PIK3C2G: variants seen among roughly 807,000 people sequenced by gnomAD.
PIK3C2G encodes phosphatidylinositol 3-kinase C2 domain-containing subunit gamma.
PIK3C2G carries 168 observed loss-of-function variants against 181.1 expected under a neutral mutation model. The ratio of observed to expected loss-of-function variants is 0.93; its 90% CI spans 0.82 to 1.05. The LOEUF (loss-of-function observed/expected upper bound fraction) is 1.05. Among genes scored for constraint, PIK3C2G ranks in the 50% least tolerant of loss-of-function variants. The probability of loss-of-function intolerance (pLI) is 0.00; values close to 1 mark genes in which losing one functional copy is unlikely to be tolerated. For synonymous variants in PIK3C2G, 573 were observed against 592.2 expected (o/e 0.97, Z 0.47); for missense variants, 1,869 against 1,732.8 (o/e 1.08, Z -1.40).
At position 18,325,039 on chromosome 12, in the gene PIK3C2G, T is replaced by C. The variant is rs534282498; in HGVS notation, c.1213T>C (p.Cys405Arg). The C allele has an allele frequency of 2.6e-6, 4 of 1,524,220 alleles. No individual in the cohort carries two copies. In the East Asian group the frequency reaches 6.8e-5, roughly 26 times the overall value. The allele number at this position is 1,524,220 out of a possible 1,614,324, so 94.4% of individuals were successfully genotyped here. ...TTTCTATTTTTTATTTTCCAGACAA[T>C]GTCTCTTAACACTCATCAGAAAATA... ...FMHIWKVSRQ[C>R]LLTLIRKYDF... Residue 405 changes from cysteine to arginine, a missense_variant, in exon 8 of 33, where the codon TGT becomes CGT. Coordinates refer to ENST00000538779, the MANE Select transcript of PIK3C2G (RefSeq NM_001288772.2).
chr12:18,582,086 A>C (rs1407863924), intron 29 of PIK3C2G, among the ~76,000 whole-genome samples: 1 of 152,154 alleles, frequency 6.6e-6, no homozygotes, highest in African/African-American at 2.4e-5. Flanking sequence ...GAAATGAAGA[A>C]AAACAGTTTC....
chr12:18,387,074 T>G (rs1043224797), intron 14 of PIK3C2G, among the ~76,000 whole-genome samples: 1 of 152,236 alleles, frequency 6.6e-6, no homozygotes, highest in African/African-American at 2.4e-5. Context: ...GAATTCTTTA[T>G]GTCTGTTCAT....
At chr12:18,406,749 C>T (rs2135595751) in intron 16 of PIK3C2G, among the ~76,000 whole-genome samples, 1 of 152,196 alleles carries the variant, frequency 6.6e-6, no homozygotes, top group South Asian at 2.1e-4. Context: ...AGTGTAACTT[C>T]TTCCTCTCAG....
chr12:18,699,380 T>A, the PIK3C2G span, among the ~76,000 whole-genome samples: 1 of 152,222 alleles, frequency 6.6e-6, no homozygotes, highest in East Asian at 1.9e-4. Flanking sequence ...CTATCAGAGG[T>A]ATCGTTTAGA....
chr12:18,398,536 G>C (rs527779461), intron 15 of PIK3C2G, among the ~76,000 whole-genome samples: 19 of 152,262 alleles, frequency 1.2e-4, no homozygotes, highest in African/African-American at 4.3e-4. Context: ...GCAGATTCAA[G>C]CTCAGTGTCA....
rs1390070899 is a variant in PIK3C2G at position 18,346,752 on chromosome 12, C to T, written c.1541C>T (p.Thr514Ile). 2.5e-6 allele frequency: 4 copies of T among 1,613,516 alleles called. No individual in the cohort carries two copies. The highest frequency in any genetic ancestry group is 3.4e-6 in the Non-Finnish European group (4 of 1,179,548). ...DFQPVNVPRC[T>I]SYLNPGLPSH... is the part of the protein sequence containing the mutation. ...CAGCCTGTAAATGTACCTAGATGCA[C>T]TTCCTATCTAAATCCCGGGCTTCCT... is the stretch of plus-strand genomic sequence containing the variant. The change falls in exon 11 of 33, where the codon ACT (threonine) becomes ATT (isoleucine). Residue 514 changes from threonine to isoleucine, a missense_variant. Thr to Ile is a moderately conservative substitution (Grantham distance 89). Transcript: ENST00000538779.
intron 26 of PIK3C2G, among the ~76,000 whole-genome samples, chr12:18,557,643 A>C (rs1945080292): frequency 6.6e-6 from 1 of 152,158 alleles, no homozygotes; most frequent in Non-Finnish European, 1.5e-5. Flanking sequence ...TTAGCAGTGC[A>C]GAGTGACAAA....
chr12:18,294,028 T>C lies in PIK3C2G; in HGVS notation c.1034+13T>C, dbSNP rs777758205. On this transcript the variant is annotated intron_variant, in intron 5 of 32. Coordinates refer to ENST00000538779, the MANE Select transcript of PIK3C2G (RefSeq NM_001288772.2). ...AATTTTTACAAAAGTAAGTATTTTA[T>C]GAAATTTTGGTTGTATTATAATCTG... The C allele has an allele frequency of 3.9e-6, 5 of 1,266,332 alleles. No individual in the cohort carries two copies. The highest frequency in any genetic ancestry group is 1.8e-5 in the Admixed American group (1 of 55,738). The allele number at this position is 1,266,332 out of a possible 1,614,324, so 78.4% of individuals were successfully genotyped here. A position where few individuals can be genotyped will look rare whatever the true frequency, so the allele number is the denominator to read the frequency against.
chr12:18,420,984 G>A lies in PIK3C2G; in HGVS notation c.2359G>A (p.Asp787Asn). 1 of 1,606,974 alleles carries A rather than the reference G, an allele frequency of 6.2e-7. No individual in the cohort carries two copies. Among genetic ancestry groups the A allele is most frequent in the Non-Finnish European group, 8.5e-7 (1 of 1,174,090 alleles). ...TCGTAAAGTGGCAGTTCAACAATTA[G>A]ACAACCTCTTGAATGATGAACTACT... Reference protein sequence around the residue: ...EIRKVAVQQLDNLLNDELLEY... With the variant: ...EIRKVAVQQLNNLLNDELLEY... The change falls in exon 17 of 33, where the codon GAC becomes AAC. Residue 787 changes from aspartate (D) to asparagine (N), a missense_variant. Physicochemically the swap from Asp to Asn is conservative, Grantham distance 23 (BLOSUM62 1). Coordinates refer to ENST00000538779, the MANE Select transcript of PIK3C2G (RefSeq NM_001288772.2).
At chr12:18,592,463 T>C (rs1005712840) in intron 29 of PIK3C2G, among the ~76,000 whole-genome samples, 2 of 151,850 alleles carry the variant, frequency 1.3e-5, no homozygotes, top group African/African-American at 2.4e-5. Flanking sequence ...GAAATATATA[T>C]GTATGTAGTT....
At chr12:18,562,986 T>A in intron 27 of PIK3C2G, 94 bp downstream of exon 27, 1 of 786,654 alleles carries the variant, frequency 1.3e-6, no homozygotes, top group Non-Finnish European at 2.0e-6. Flanking sequence ...TATAGCATAA[T>A]TTTTTACTAA....
intron 5 of PIK3C2G, among the ~76,000 whole-genome samples, chr12:18,303,142 T>TTTCTTTCTTTCTTTCTTTC (rs1565575699): frequency 1.7e-5 from 1 of 57,356 alleles, no homozygotes; most frequent in African/African-American, 8.4e-5. Flanking sequence ...TTCTTTCTTT[T>TTTCTTTCTTTCTTTCTTTC]CTTTTCTTTC....
chr12:18,362,941 TC>T, intron 12 of PIK3C2G, 55 bp downstream of exon 12: 1 of 1,346,064 alleles, frequency 7.4e-7, no homozygotes, highest in African/African-American at 1.5e-5. Flanking sequence ...GTCAGCTTTT[TC>T]CCCCTTTTTT....
At chr12:18,580,909 A>G (rs1207180924) in intron 29 of PIK3C2G, among the ~76,000 whole-genome samples, 5 of 152,300 alleles carry the variant, frequency 3.3e-5, no homozygotes, top group South Asian at 4.1e-4. Flanking sequence ...CTTGCAGCCA[A>G]TTCTAGATGT....
chr12:18,712,883 A>C, the PIK3C2G span: 1 of 1,613,932 alleles, frequency 6.2e-7, no homozygotes, highest in Non-Finnish European at 8.5e-7. Context: ...ACAGTTTTAA[A>C]CAGAAGTTTG....
chr12:18,526,484 T>C (rs1565477290), intron 24 of PIK3C2G, among the ~76,000 whole-genome samples: 1 of 152,310 alleles, frequency 6.6e-6, no homozygotes, highest in East Asian at 1.9e-4. Flanking sequence ...TCAATTTCAG[T>C]TGATTGTAGG....
Position 18,538,257 on chromosome 12 carries a change from G to T in PIK3C2G, c.3425G>T (p.Arg1142Leu), listed in dbSNP as rs774205366. Residue 1142 changes from arginine (R) to leucine (L), a missense_variant, in exon 25 of 33, where the codon CGT becomes CTT. By Grantham distance (102) the Arg-to-Leu change is moderately radical. Coordinates refer to ENST00000538779, the MANE Select transcript of PIK3C2G (RefSeq NM_001288772.2). ...CAAGATTTTGTGGAACTTTGCTGTCGTGCTTATAATATTATCAGAAAGCAC... is the reference window on the plus strand; with the variant it reads ...CAAGATTTTGTGGAACTTTGCTGTCTTGCTTATAATATTATCAGAAAGCAC... ...HFQDFVELCCRAYNIIRKHSQ... is the reference protein window; with the variant it reads ...HFQDFVELCCLAYNIIRKHSQ... 1.6e-5 allele frequency: 25 copies of T among 1,611,918 alleles called. No individual in the cohort carries two copies. In the Admixed American group the frequency reaches 4.2e-4, roughly 27 times the overall value.
At chr12:18,638,011 C>T (rs1180608834) in intron 31 of PIK3C2G, among the ~76,000 whole-genome samples, 1 of 152,176 alleles carries the variant, frequency 6.6e-6, no homozygotes, top group East Asian at 1.9e-4. Context: ...TATGTTCTTT[C>T]TACCATTATT....
At chr12:18,445,268 C>G (rs1295440607) in intron 18 of PIK3C2G, among the ~76,000 whole-genome samples, 3 of 151,698 alleles carry the variant, frequency 2.0e-5, no homozygotes, top group African/African-American at 4.8e-5. Flanking sequence ...AACACAGAAC[C>G]CCTACAAACC....
Sources: allele counts gnomAD v4.1 joint callset (sites outside exome capture counted in the v4.1 genomes callset), GRCh38; gene constraint gnomAD v4.1.1; transcripts MANE v1.5; gene names NCBI Gene and HGNC (gene_info 2026-07-23, HGNC 2026-07-21).